Variants in OMA1 observed in about 807,000 individuals in gnomAD.
OMA1 encodes OMA1 zinc metallopeptidase.
In OMA1, 38 loss-of-function variants were observed where a neutral mutation model predicts 30.9. The ratio of observed to expected loss-of-function variants is 1.23; its 90% CI spans 0.95 to 1.61. The LOEUF is 1.61. Among genes scored for constraint, OMA1 ranks in the 40% most tolerant of loss-of-function variants. The pLI, the probability that OMA1 is intolerant of heterozygous loss-of-function variation, is 0.00. For synonymous variants in OMA1, 173 were observed against 121.9 expected (o/e 1.42, Z -2.76); for missense variants, 461 against 349.2 (o/e 1.32, Z -2.55).
intron 7 of OMA1, among the ~76,000 whole-genome samples, chr1:58,517,385 C>G (rs1270477711): frequency 2.0e-5 from 3 of 152,216 alleles, no homozygotes; most frequent in Non-Finnish European, 4.4e-5. Flanking sequence ...CATTGTTTCT[C>G]TTGCCTTTGA....
At chr1:58,516,061 C>G (rs1373877802) in intron 7 of OMA1, among the ~76,000 whole-genome samples, 3 of 152,180 alleles carry the variant, frequency 2.0e-5, no homozygotes, top group African/African-American at 7.2e-5. Context: ...CCCAAAAGGG[C>G]CACTTAACAG....
At chr1:58,483,915 G>A (rs1001714532) in intron 8 of OMA1, among the ~76,000 whole-genome samples, 8 of 152,176 alleles carry the variant, frequency 5.3e-5, no homozygotes, top group Non-Finnish European at 4.4e-5. Context: ...CTATGTTTAA[G>A]CACTGCACTG....
intron 7 of OMA1, among the ~76,000 whole-genome samples, chr1:58,507,130 T>G (rs1646001668): frequency 6.6e-6 from 1 of 151,960 alleles, no homozygotes; most frequent in Admixed American, 6.6e-5. Context: ...TTAAAATTAT[T>G]TTTAAATCCT....
intron 7 of OMA1, among the ~76,000 whole-genome samples, chr1:58,518,709 G>A (rs1646212771): frequency 6.6e-6 from 1 of 152,062 alleles, no homozygotes; most frequent in African/African-American, 2.4e-5. Context: ...TGGGAAAAGG[G>A]AGACCAGAAG....
At chr1:58,482,912 G>A (rs1645514306) in intron 8 of OMA1, among the ~76,000 whole-genome samples, 1 of 152,160 alleles carries the variant, frequency 6.6e-6, no homozygotes, top group Admixed American at 6.5e-5. Flanking sequence ...ACTCTAAACA[G>A]CCTGCCTCTA....
chr1:58,517,615 C>T (rs556175105), intron 7 of OMA1, among the ~76,000 whole-genome samples: 44 of 152,172 alleles, frequency 2.9e-4, no homozygotes, highest in African/African-American at 9.6e-4. Flanking sequence ...ATACTTCAAA[C>T]TTTGTTAAAA....
At chr1:58,496,345 A>G (rs1361017126) in intron 8 of OMA1, among the ~76,000 whole-genome samples, 1 of 152,170 alleles carries the variant, frequency 6.6e-6, no homozygotes, top group East Asian at 1.9e-4. Flanking sequence ...GATTTATCTT[A>G]CATTTGTAAA....
intron 7 of OMA1, among the ~76,000 whole-genome samples, chr1:58,508,971 C>A (rs922380223): frequency 6.6e-6 from 1 of 152,084 alleles, no homozygotes; most frequent in African/African-American, 2.4e-5. Context: ...ATGGACCAGA[C>A]AGGACCCTAG....
intron 7 of OMA1, among the ~76,000 whole-genome samples, chr1:58,509,722 G>A (rs1000641134): frequency 2.0e-5 from 3 of 151,266 alleles, no homozygotes; most frequent in South Asian, 4.2e-4. Flanking sequence ...AGCTTTTTGG[G>A]GAAAGATTTA....
chr1:58,511,749 C>T (rs920001854), intron 7 of OMA1, among the ~76,000 whole-genome samples: 32 of 152,166 alleles, frequency 2.1e-4, no homozygotes, highest in Middle Eastern at 3.4e-3. Flanking sequence ...CCTTATCTTA[C>T]GCTACACACA....
intron 8 of OMA1, among the ~76,000 whole-genome samples, chr1:58,491,982 A>G (rs1043377839): frequency 2.0e-5 from 3 of 152,160 alleles, no homozygotes; most frequent in African/African-American, 7.2e-5. Context: ...GCACCACACC[A>G]CACCTATTCC....
At chr1:58,499,956 T>TA (rs1228632128) in intron 8 of OMA1, among the ~76,000 whole-genome samples, 1 of 151,920 alleles carries the variant, frequency 6.6e-6, no homozygotes, top group East Asian at 1.9e-4. Context: ...AAAGTAAGTT[T>TA]AAAAAAAGAA....
At chr1:58,503,616 G>A (rs1341762878) in intron 8 of OMA1, among the ~76,000 whole-genome samples, 2 of 151,976 alleles carry the variant, frequency 1.3e-5, no homozygotes. Context: ...TCATGAATGG[G>A]TTAGCACCCT....
chr1:58,514,352 T>A (rs1453085523), intron 7 of OMA1, among the ~76,000 whole-genome samples: 2 of 152,128 alleles, frequency 1.3e-5, no homozygotes, highest in African/African-American at 4.8e-5. Context: ...AAAACAATAC[T>A]AGAGAAATAT....
intron 7 of OMA1, among the ~76,000 whole-genome samples, chr1:58,526,926 T>C (rs1646360636): frequency 6.6e-6 from 1 of 152,150 alleles, no homozygotes; most frequent in South Asian, 2.1e-4. Context: ...TCAATTTGTA[T>C]GTTTCATGTC....
chr1:58,537,478 T>A (rs746780543), intron 2 of OMA1, among the ~76,000 whole-genome samples: 41 of 152,192 alleles, frequency 2.7e-4, no homozygotes, highest in Non-Finnish European at 1.6e-4. Flanking sequence ...TAGGTATTCA[T>A]AAGAAAGTGG....
intron 8 of OMA1, among the ~76,000 whole-genome samples, chr1:58,504,264 C>T (rs955416075): frequency 1.3e-5 from 2 of 152,188 alleles, no homozygotes; most frequent in Admixed American, 6.5e-5. Context: ...CTGTTCTTCC[C>T]TTCCCTTACT....
intron 7 of OMA1, among the ~76,000 whole-genome samples, chr1:58,516,137 C>T (rs1265391498): frequency 6.6e-6 from 1 of 152,106 alleles, no homozygotes; most frequent in Admixed American, 6.5e-5. Context: ...TCCCCTTTTC[C>T]CTCACATTAA....
chr1:58,486,259 T>C (rs1174852000), intron 8 of OMA1, among the ~76,000 whole-genome samples: 3 of 152,236 alleles, frequency 2.0e-5, no homozygotes, highest in Non-Finnish European at 4.4e-5. Flanking sequence ...TAGGAGATAT[T>C]GCTATCCTGA....
Sources: gnomAD v4.1 joint callset for allele counts (sites outside exome capture counted in the v4.1 genomes callset) on GRCh38, gnomAD v4.1.1 for gene constraint, MANE v1.5 for transcripts, NCBI Gene and HGNC (gene_info 2026-07-23, HGNC 2026-07-21) for gene names.